The following USP12 variants were observed in gnomAD, a reference collection of about 807,000 sequenced individuals.
USP12 encodes ubiquitin carboxyl-terminal hydrolase 12.
In USP12, 19 loss-of-function variants were observed where a neutral mutation model predicts 45.5. The observed-to-expected ratio is 0.42, with a 90% confidence interval of 0.29 to 0.61. USP12 has a LOEUF of 0.61. USP12 is among the 20% of genes least tolerant of loss of function. The pLI is 0.22. For synonymous variants in USP12, 149 were observed against 148.8 expected, an observed-to-expected ratio of 1.00 and a Z score of -0.01; for missense variants, 242 against 447.7, an observed-to-expected ratio of 0.54 and a Z score of 4.15.
chr13:27,074,667 T>A (rs1244517120), intron 7 of USP12, among the ~76,000 whole-genome samples: 4 of 152,206 alleles, frequency 2.6e-5, no homozygotes, highest in Non-Finnish European at 5.9e-5. Context: ...ATTATAGGTA[T>A]GTACGTTCAT....
At chr13:27,074,124 G>A (rs1873365586) in intron 7 of USP12, among the ~76,000 whole-genome samples, 1 of 152,226 alleles carries the variant, frequency 6.6e-6, no homozygotes, top group Non-Finnish European at 1.5e-5. Flanking sequence ...TCAGAGGCCG[G>A]GCGCGGTGGC....
intron 1 of USP12, among the ~76,000 whole-genome samples, chr13:27,122,240 G>A (rs963468286): frequency 6.5e-5 from 9 of 137,612 alleles, no homozygotes; most frequent in African/African-American, 2.3e-4. Flanking sequence ...TGAATCATCA[G>A]GGTGGTTCCC....
intron 2 of USP12, among the ~76,000 whole-genome samples, chr13:27,107,099 C>T (rs369411167): frequency 5.9e-5 from 9 of 151,962 alleles, no homozygotes; most frequent in African/African-American, 1.9e-4. Context: ...CCGAGGCAGG[C>T]GGATCACTTG....
chr13:27,161,231 C>T (rs1878093110), intron 1 of USP12, among the ~76,000 whole-genome samples: 3 of 152,034 alleles, frequency 2.0e-5, no homozygotes, highest in African/African-American at 7.3e-5. Flanking sequence ...AACAATATGC[C>T]AGAGAAACAG....
At chr13:27,155,084 T>C (rs1311174024) in intron 1 of USP12, among the ~76,000 whole-genome samples, 11 of 130,326 alleles carry the variant, frequency 8.4e-5, no homozygotes, top group African/African-American at 3.2e-4. Flanking sequence ...TTTTTTTTTT[T>C]TTTTTTTTTT....
intron 1 of USP12, among the ~76,000 whole-genome samples, chr13:27,161,059 G>A (rs1055079654): frequency 6.6e-6 from 1 of 152,100 alleles, no homozygotes; most frequent in Non-Finnish European, 1.5e-5. Flanking sequence ...TTGTGGAAAA[G>A]AGAATCCCCC....
intron 1 of USP12, among the ~76,000 whole-genome samples, chr13:27,132,568 G>C (rs1470719752): frequency 6.6e-6 from 1 of 152,206 alleles, no homozygotes; most frequent in Non-Finnish European, 1.5e-5. Context: ...CTGGTTGGCT[G>C]TACGGCTTTG....
rs115038697 is a variant in USP12, at chr13:27,111,070, T to C, written c.130-5126A>G. 3.2e-3 allele frequency among the ~76,000 whole-genome samples: 492 copies of C among 152,354 alleles called. 3 individuals are homozygous for C. Among genetic ancestry groups the C allele is most frequent in the African/African-American group, 0.011 (458 of 41,580 alleles). ...GCTCACACTTCTGTCCAACATGACT[T>C]GCTCATCTTCTGAATATAAAGCAAC... On this transcript the variant is annotated intron_variant, in intron 2 of 8. Transcript: ENST00000282344.
At chr13:27,170,975 G>T (rs898281235) in intron 1 of USP12, among the ~76,000 whole-genome samples, 11 of 152,158 alleles carry the variant, frequency 7.2e-5, no homozygotes, top group African/African-American at 2.7e-4. Context: ...GCGCGGGGTC[G>T]GGGACTCGGC....
chr13:27,129,372 A>G lies in USP12; in HGVS notation c.49-12776T>C, dbSNP rs1199151149. 6.6e-6 allele frequency among the ~76,000 whole-genome samples: 1 copy of G among 152,250 alleles called. No homozygotes were observed. The highest frequency in any genetic ancestry group is 1.5e-5 in the Non-Finnish European group (1 of 68,048). On this transcript the variant is annotated intron_variant, in intron 1 of 8. Transcript: ENST00000282344. The surrounding 1 kb of genome is among the most constrained non-coding windows in gnomAD (Gnocchi z 4.0). ...AACAACTTTTAAGTTCTGCAAAAAT[A>G]AAAACCATTCTTAGTAACCACACCA...
chr13:27,168,393 C>G (rs981943989), intron 1 of USP12, among the ~76,000 whole-genome samples: 1 of 152,202 alleles, frequency 6.6e-6, no homozygotes, highest in Non-Finnish European at 1.5e-5. Flanking sequence ...AGCTCCAAAG[C>G]AGGGGCTGTC....
intron 6 of USP12, among the ~76,000 whole-genome samples, chr13:27,083,855 A>C (rs1411090678): frequency 2.1e-5 from 3 of 144,114 alleles, no homozygotes; most frequent in Admixed American, 2.0e-4. Flanking sequence ...CCTTTTTGGG[A>C]GAATATATAT....
rs1390594222 is a variant in USP12 at position 27,105,906 on chromosome 13, T to G, written c.168A>C (p.Ala56=). The G allele has an allele frequency of 3.1e-6, 5 of 1,613,620 alleles. No individual in the cohort carries two copies. The highest frequency in any genetic ancestry group is 4.2e-6 in the Non-Finnish European group (5 of 1,179,764). ...NTCYCNSVLQ[A]LYFCRPFREK... ...CCCGAAATGGACGACAAAAATAAAG[T>G]GCTTGAAGAACTGAATTGCAGTAGC... is the stretch of plus-strand genomic sequence containing the variant. Residue 56 remains alanine, a synonymous_variant, in exon 3 of 9, where the codon GCA becomes GCC. Coordinates refer to ENST00000282344, the MANE Select transcript of USP12 (RefSeq NM_182488.4).
At chr13:27,120,087 A>G (rs1007432430) in intron 1 of USP12, among the ~76,000 whole-genome samples, 16 of 152,226 alleles carry the variant, frequency 1.1e-4, no homozygotes, top group African/African-American at 3.9e-4. Context: ...AACTGGTGAA[A>G]AACCAACTGG....
intron 1 of USP12, among the ~76,000 whole-genome samples, chr13:27,119,476 AG>A (rs965465732): frequency 2.6e-5 from 4 of 152,164 alleles, no homozygotes; most frequent in African/African-American, 9.7e-5. Flanking sequence ...GCAAAATAAA[AG>A]GGGTCAGAAT....
chr13:27,160,793 T>C (rs932855335), intron 1 of USP12, among the ~76,000 whole-genome samples: 4 of 151,964 alleles, frequency 2.6e-5, no homozygotes, highest in African/African-American at 7.3e-5. Flanking sequence ...TTTTTTTTTT[T>C]TTCCCCCTTC....
chr13:27,102,280 G>C (rs1160561373), intron 3 of USP12, among the ~76,000 whole-genome samples: 1 of 152,052 alleles, frequency 6.6e-6, no homozygotes, highest in East Asian at 1.9e-4. Flanking sequence ...AATAATAGTA[G>C]ATCACCCACA....
intron 1 of USP12, among the ~76,000 whole-genome samples, chr13:27,128,987 C>T (rs574001344): frequency 6.6e-6 from 1 of 152,286 alleles, no homozygotes; most frequent in African/African-American, 2.4e-5. Flanking sequence ...TTAATAGTAA[C>T]GGAGTTCATA....
At chr13:27,116,406 A>G (rs1164284706) in intron 2 of USP12, 110 bp downstream of exon 2, 14 of 927,438 alleles carry the variant, frequency 1.5e-5, no homozygotes, top group South Asian at 2.2e-5. Context: ...TTAGCATTTA[A>G]TTCTATTAAT....
Sources: allele counts gnomAD v4.1 joint callset (sites outside exome capture counted in the v4.1 genomes callset), GRCh38; gene constraint gnomAD v4.1.1; non-coding constraint Gnocchi (gnomAD v3.1); transcripts MANE v1.5; gene names NCBI Gene and HGNC (gene_info 2026-07-23, HGNC 2026-07-21).